The following PHF3 variants were observed in gnomAD, a reference collection of about 807,000 sequenced individuals.
PHF3 encodes the protein PHD finger protein 3.
Under a neutral mutation model 178.4 loss-of-function variants are expected in PHF3, and 41 were observed. The observed-to-expected ratio is 0.23, with a 90% CI of 0.18 to 0.30. The LOEUF (loss-of-function observed/expected upper bound fraction) is 0.30, where lower values mean the gene tolerates loss of function less well. Among genes scored for constraint, PHF3 ranks in the 10% least tolerant of loss-of-function variants. The probability of loss-of-function intolerance (pLI) is 1.00; values close to 1 mark genes in which losing one functional copy is unlikely to be tolerated. For missense variants in PHF3, 2,346 were observed against 2,398.1 expected, an observed-to-expected ratio of 0.98 and a Z score of 0.45; for synonymous variants, 842 against 800.5, an observed-to-expected ratio of 1.05 and a Z score of -0.88.
chr6:63,661,771 T>C (rs1007467771), intron 2 of PHF3, among the ~76,000 whole-genome samples: 1 of 152,186 alleles, frequency 6.6e-6, no homozygotes, highest in Non-Finnish European at 1.5e-5. Context: ...AATTAGCCTT[T>C]TGTTTTCTTT....
chr6:63,702,579 T>G lies in PHF3; in HGVS notation c.3171T>G (p.Gly1057=), dbSNP rs910700350. 6.2e-7 allele frequency: 1 copy of G among 1,612,748 alleles called. No individual in the cohort carries two copies. The highest frequency in any genetic ancestry group is 8.5e-7 in the Non-Finnish European group (1 of 1,179,324). Residue 1057 remains glycine, a synonymous_variant, in exon 10 of 16, where the codon GGT becomes GGG. Transcript: ENST00000262043. ...RRPITKITHK[G]EIEIESDAPM... is the part of the protein sequence containing the mutation. ...CAATCACCAAAATAACTCATAAAGG[T>G]GAAATAGAAATTGAGAGTGATGCCC...
intron 2 of PHF3, among the ~76,000 whole-genome samples, chr6:63,653,896 G>GT (rs368611644): frequency 2.6e-5 from 4 of 152,210 alleles, no homozygotes; most frequent in African/African-American, 9.6e-5. Context: ...TGATCATACT[G>GT]TTTTTGTTCT....
Position 63,724,996 on chromosome 6 carries a change from G to A in PHF3, c.*11288G>A, listed in dbSNP as rs1207991400. Among the ~76,000 whole-genome samples the A allele has an allele frequency of 6.6e-6, 1 of 152,034 alleles. No individual in the cohort carries two copies. Among genetic ancestry groups the A allele is most frequent in the African/African-American group, 2.4e-5 (1 of 41,426 alleles). ...GCATTTTCTGCAACCTTAAATAAAT[G>A]AGAGACTTCAAATAAACTTGTTATA... is the stretch of plus-strand genomic sequence containing the variant. On this transcript the variant is annotated 3_prime_UTR_variant, in exon 16 of 16. Coordinates refer to ENST00000262043, the MANE Select transcript of PHF3 (RefSeq NM_001370348.2).
chr6:63,687,270 A>G (rs1456230516), intron 4 of PHF3, among the ~76,000 whole-genome samples: 1 of 152,180 alleles, frequency 6.6e-6, no homozygotes, highest in East Asian at 1.9e-4. Context: ...CTAAAAATAC[A>G]AAAGTTAGCT....
chr6:63,671,922 T>A (rs1417317560), intron 2 of PHF3, among the ~76,000 whole-genome samples: 2 of 152,110 alleles, frequency 1.3e-5, no homozygotes, highest in African/African-American at 2.4e-5. Flanking sequence ...AATTTTTGTA[T>A]TTTTAGTAGA....
intron 6 of PHF3, among the ~76,000 whole-genome samples, chr6:63,696,758 T>C (rs1767245384): frequency 6.6e-6 from 1 of 152,146 alleles, no homozygotes; most frequent in Non-Finnish European, 1.5e-5. Flanking sequence ...GACCAAATGC[T>C]GTCTGGACAT....
intron 7 of PHF3, 31 bp from the exon 8 acceptor site, chr6:63,698,418 T>G (rs1310574950): frequency 1.3e-6 from 2 of 1,584,854 alleles, no homozygotes; most frequent in Non-Finnish European, 1.7e-6. Context: ...TTTATACATT[T>G]GAAAAATAAT....
chr6:63,720,814 G>A lies in PHF3; in HGVS notation c.*7106G>A. On this transcript the variant is annotated 3_prime_UTR_variant, in exon 16 of 16. Coordinates refer to ENST00000262043, the MANE Select transcript of PHF3 (RefSeq NM_001370348.2). ...TAGTTTAGAGCCACAAAGTTTTTAT[G>A]TGGATCAATATCCTCGGAAAGAATT... The A allele has an allele frequency of 6.4e-7, 1 of 1,551,104 alleles. No homozygotes were observed. Among genetic ancestry groups the A allele is most frequent in the South Asian group, 1.2e-5 (1 of 84,044 alleles).
intron 2 of PHF3, among the ~76,000 whole-genome samples, chr6:63,663,326 G>A (rs951372242): frequency 3.3e-5 from 5 of 151,972 alleles, no homozygotes; most frequent in East Asian, 3.9e-4. Flanking sequence ...TCCTTGGTTC[G>A]CCTTCACTAT....
chr6:63,667,874 T>A (rs1765746451), intron 2 of PHF3, among the ~76,000 whole-genome samples: 1 of 152,246 alleles, frequency 6.6e-6, no homozygotes, highest in Non-Finnish European at 1.5e-5. Flanking sequence ...TAGGTGAAGC[T>A]GTATAATGTC....
Position 63,646,799 on chromosome 6 carries a change from ATTC to A in PHF3, c.244+7_244+9del. 1 of 1,311,960 alleles carries A rather than the reference ATTC, an allele frequency of 7.6e-7. No individual in the cohort carries two copies. The highest frequency in any genetic ancestry group is 9.7e-7 in the Non-Finnish European group (1 of 1,027,078). 81.3% of individuals were successfully genotyped at this position (1,311,960 alleles called of 1,614,324 possible). Reference sequence around the variant, plus strand: ...TTCCAGATGCCTTGTTCAACAGGTAATTCTTACTTTTTTTTTTTTTTTTTTTTT... The same window carrying A: ...TTCCAGATGCCTTGTTCAACAGGTAATTACTTTTTTTTTTTTTTTTTTTTT... On this transcript the variant is annotated splice_donor_5th_base_variant and intron_variant, in intron 2 of 15. Transcript: ENST00000262043.
At chr6:63,686,525 T>C (rs1766714728) in intron 4 of PHF3, among the ~76,000 whole-genome samples, 1 of 152,218 alleles carries the variant, frequency 6.6e-6, no homozygotes, top group African/African-American at 2.4e-5. Context: ...TTCTAGTCTT[T>C]TTAAAATTTG....
chr6:63,674,322 G>GTGTGTATATATATATACACACATATAT (rs150014434), intron 2 of PHF3, among the ~76,000 whole-genome samples: 1 of 123,440 alleles, frequency 8.1e-6, no homozygotes, highest in African/African-American at 2.9e-5. Flanking sequence ...ACATATATAT[G>GTGTGTATATATATATACACACATATAT]GTGTATATAT....
At chr6:63,647,693 A>G (rs968300994) in intron 2 of PHF3, among the ~76,000 whole-genome samples, 11 of 152,248 alleles carry the variant, frequency 7.2e-5, no homozygotes, top group Admixed American at 4.6e-4. Context: ...ACTATCCTTA[A>G]TAAGAAATTA....
chr6:63,721,739 G>A lies in PHF3; in HGVS notation c.*8031G>A. 3 of 1,550,604 alleles carry A rather than the reference G, an allele frequency of 1.9e-6. No individual in the cohort carries two copies. Among genetic ancestry groups the A allele is most frequent in the East Asian group, 2.4e-5 (1 of 40,906 alleles). ...GAGTTTCTAGAATGATAGTTCTGTC[G>A]CCAAGGTTGTAGCGAAGTTGAACGG... On this transcript the variant is annotated 3_prime_UTR_variant, in exon 16 of 16. Coordinates refer to ENST00000262043, the MANE Select transcript of PHF3 (RefSeq NM_001370348.2).
Position 63,703,756 on chromosome 6 carries a change from T to G in PHF3, c.3367+85T>G. On this transcript the variant is annotated intron_variant, in intron 11 of 15. Transcript: ENST00000262043. ...TACTAGTATATGTAATTTAAGTAGG[T>G]TTTGTTTTCCCAATATTGGTGGTGA... 3 of 1,357,294 alleles carry G rather than the reference T, an allele frequency of 2.2e-6. No homozygotes were observed. In the East Asian group the frequency reaches 7.1e-5, roughly 32 times the overall value. 84.1% of individuals were successfully genotyped at this position (1,357,294 alleles called of 1,614,324 possible).
intron 14 of PHF3, among the ~76,000 whole-genome samples, chr6:63,709,907 C>G (rs1344881914): frequency 6.6e-6 from 1 of 152,120 alleles, no homozygotes; most frequent in Non-Finnish European, 1.5e-5. Context: ...TCCTTTTTCT[C>G]TCTACATTTT....
chr6:63,679,537 C>CT (rs1446629551), intron 2 of PHF3: 6 of 161,628 alleles, frequency 3.7e-5, no homozygotes, highest in African/African-American at 1.2e-4. Context: ...GCATTGCTTG[C>CT]TTTCATACAT....
chr6:63,725,852 G>C lies in PHF3; in HGVS notation c.*12144G>C, dbSNP rs979814073. Among the ~76,000 whole-genome samples the C allele has an allele frequency of 1.3e-5, 2 of 152,014 alleles. No individual in the cohort carries two copies. The highest frequency in any genetic ancestry group is 2.9e-5 in the Non-Finnish European group (2 of 67,962). On this transcript the variant is annotated 3_prime_UTR_variant, in exon 16 of 16. Transcript: ENST00000262043. ...ATCAAAATTGTTTCTCATTTTCTGA[G>C]AGACAAGATCAAAGAAAGTCAAATG...
Sources: allele counts gnomAD v4.1 joint callset (sites outside exome capture counted in the v4.1 genomes callset), GRCh38; gene constraint gnomAD v4.1.1; transcripts MANE v1.5; gene names NCBI Gene and HGNC (gene_info 2026-07-23, HGNC 2026-07-21).